Variants in DRC8 observed in about 807,000 individuals in gnomAD.
DRC8 encodes the protein dynein regulatory complex protein 8.
the DRC8 span, among the ~76,000 whole-genome samples, chr1:245,094,146 A>G: frequency 2.2e-3 from 336 of 152,218 alleles, 1 homozygote; most frequent in Non-Finnish European, 3.9e-3. Flanking sequence ...AGGTAAGTCT[A>G]TTTTCCAACT....
the DRC8 span, among the ~76,000 whole-genome samples, chr1:245,059,182 CA>C: frequency 2.1e-4 from 32 of 152,204 alleles, no homozygotes; most frequent in African/African-American, 7.7e-4. Flanking sequence ...AGGCATTTGC[CA>C]GTCAATGAAA....
chr1:244,975,880 T>A, the DRC8 span, among the ~76,000 whole-genome samples: 2 of 150,936 alleles, frequency 1.3e-5, no homozygotes, highest in East Asian at 2.0e-4. Flanking sequence ...AATAAATAAA[T>A]AAAAAATACA....
chr1:245,081,015 TTACCTTC>T, the DRC8 span, among the ~76,000 whole-genome samples: 3 of 152,220 alleles, frequency 2.0e-5, no homozygotes, highest in African/African-American at 7.2e-5. Flanking sequence ...CTCTGTCTCA[TTACCTTC>T]TACTCATACT....
chr1:245,018,351 G>A, the DRC8 span, among the ~76,000 whole-genome samples: 1 of 152,166 alleles, frequency 6.6e-6, no homozygotes, highest in South Asian at 2.1e-4. Context: ...AAAGCAGTGG[G>A]AAGTGGTTTG....
the DRC8 span, among the ~76,000 whole-genome samples, chr1:245,025,788 G>A: frequency 2.3e-3 from 346 of 152,256 alleles, 6 homozygotes; most frequent in East Asian, 0.059. Flanking sequence ...ATAGGGGCAG[G>A]TTTTTCCCAT....
chr1:245,081,363 G>A, the DRC8 span, among the ~76,000 whole-genome samples: 1,646 of 152,064 alleles, frequency 0.011, 83 homozygotes, highest in East Asian at 0.14. Flanking sequence ...GGGTTTCACC[G>A]TGTTAGCCAG....
At chr1:244,975,088 GC>G in the DRC8 span, among the ~76,000 whole-genome samples, 1 of 152,014 alleles carries the variant, frequency 6.6e-6, no homozygotes, top group Admixed American at 6.6e-5. Flanking sequence ...CTGCCACCAC[GC>G]CCGGCTAATT....
At chr1:245,086,737 T>C in the DRC8 span, 1 of 533,422 alleles carries the variant, frequency 1.9e-6, no homozygotes. Context: ...TGACAGGTGG[T>C]GTCGTTATCA....
the DRC8 span, among the ~76,000 whole-genome samples, chr1:245,052,757 A>T: frequency 6.6e-6 from 1 of 152,312 alleles, no homozygotes; most frequent in African/African-American, 2.4e-5. Context: ...AGTGAGAAGG[A>T]GGCTTGCCAT....
chr1:245,076,653 G>T, the DRC8 span, among the ~76,000 whole-genome samples: 1 of 151,854 alleles, frequency 6.6e-6, no homozygotes, highest in Non-Finnish European at 1.5e-5. Flanking sequence ...GTATAATTGA[G>T]TTTTCTCCTG....
chr1:245,053,681 G>C, the DRC8 span, among the ~76,000 whole-genome samples: 1 of 152,134 alleles, frequency 6.6e-6, no homozygotes, highest in Admixed American at 6.5e-5. Context: ...TTTGTGATTC[G>C]AGACTAGAGA....
At chr1:245,077,672 T>A in the DRC8 span, among the ~76,000 whole-genome samples, 2 of 152,146 alleles carry the variant, frequency 1.3e-5, no homozygotes, top group East Asian at 1.9e-4. Flanking sequence ...GTTATTTACA[T>A]GGAGAAGAAT....
chr1:245,040,416 G>A, the DRC8 span, among the ~76,000 whole-genome samples: 1 of 152,090 alleles, frequency 6.6e-6, no homozygotes, highest in Non-Finnish European at 1.5e-5. Context: ...AGATGTTATT[G>A]CAAAAAGTGC....
chr1:245,064,828 AT>A, the DRC8 span, among the ~76,000 whole-genome samples: 14 of 149,894 alleles, frequency 9.3e-5, no homozygotes, highest in South Asian at 1.7e-3. Context: ...ATAAACATTA[AT>A]TTTTTTTTTC....
the DRC8 span, among the ~76,000 whole-genome samples, chr1:244,991,850 G>A: frequency 3.7e-4 from 56 of 152,292 alleles, no homozygotes; most frequent in South Asian, 1.7e-3. Context: ...TTCGAGCCTT[G>A]TAAAGGTTTT....
chr1:245,011,549 T>TA, the DRC8 span, among the ~76,000 whole-genome samples: 3 of 152,234 alleles, frequency 2.0e-5, no homozygotes, highest in Non-Finnish European at 4.4e-5. Context: ...GAGTGACCCT[T>TA]ATCTGAAATG....
the DRC8 span, among the ~76,000 whole-genome samples, chr1:245,029,269 A>G: frequency 6.6e-6 from 1 of 152,192 alleles, no homozygotes; most frequent in Non-Finnish European, 1.5e-5. Context: ...TTTGGAGGCC[A>G]ACTTTGGTTG....
the DRC8 span, among the ~76,000 whole-genome samples, chr1:245,048,524 T>A: frequency 2.6e-5 from 4 of 151,994 alleles, no homozygotes; most frequent in Admixed American, 6.6e-5. Context: ...GTTTTTTTTT[T>A]AAATAAAATC....
the DRC8 span, among the ~76,000 whole-genome samples, chr1:245,058,268 C>A: frequency 1.3e-5 from 2 of 151,232 alleles, no homozygotes; most frequent in Non-Finnish European, 2.9e-5. Flanking sequence ...ATAATAATAT[C>A]TTTGCTATAT....
Sources: gnomAD v4.1 joint callset for allele counts (sites outside exome capture counted in the v4.1 genomes callset) on GRCh38, gnomAD v4.1.1 for gene constraint, MANE v1.5 for transcripts, NCBI Gene and HGNC (gene_info 2026-07-23, HGNC 2026-07-21) for gene names.